The following NBEA variants were observed in gnomAD, a reference collection of about 807,000 sequenced individuals.
NBEA encodes the protein neurobeachin.
NBEA carries 44 observed loss-of-function variants against 343.4 expected under a neutral mutation model. That is an observed-to-expected ratio of 0.13 (90% confidence interval 0.10 to 0.16). The LOEUF is 0.16. Among genes scored for constraint, NBEA ranks in the 10% least tolerant of loss-of-function variants. NBEA has a pLI of 1.00. For synonymous variants in NBEA, 1,175 were observed against 1,238.7 expected (o/e 0.95, Z 1.08); for missense variants, 2,555 against 3,631.3 (o/e 0.70, Z 7.62).
intron 49 of NBEA, among the ~76,000 whole-genome samples, chr13:35,633,345 G>A (rs1367985851): frequency 2.0e-5 from 3 of 150,624 alleles, no homozygotes; most frequent in South Asian, 2.1e-4. Context: ...CTTGTGATCC[G>A]CCCACCTCGG....
chr13:35,003,784 A>G lies in NBEA; in HGVS notation c.295-37149A>G, dbSNP rs570773170. ...TTGTCGTCTTTTTTTAAGAAAATTT[A>G]ATTTTATTTTAAGTTCCAGGATATA... On this transcript the variant is annotated intron_variant, in intron 1 of 58. Transcript: ENST00000379939. 2.6e-5 allele frequency among the ~76,000 whole-genome samples: 4 copies of G among 152,092 alleles called. No individual in the cohort carries two copies. The East Asian group carries it at 7.7e-4, about 29-fold the overall frequency.
intron 33 of NBEA, among the ~76,000 whole-genome samples, chr13:35,220,102 T>G (rs2074281359): frequency 6.6e-6 from 1 of 152,162 alleles, no homozygotes. Flanking sequence ...TTATCCTTGA[T>G]TTATCGAGGT....
intron 25 of NBEA, among the ~76,000 whole-genome samples, chr13:35,170,272 A>G (rs1013792902): frequency 3.9e-5 from 6 of 151,948 alleles, no homozygotes; most frequent in Non-Finnish European, 7.4e-5. Flanking sequence ...ATAGGAATAG[A>G]TACCTATTAC....
chr13:35,612,602 A>C (rs1439283899), intron 48 of NBEA, among the ~76,000 whole-genome samples: 1 of 152,198 alleles, frequency 6.6e-6, no homozygotes, highest in African/African-American at 2.4e-5. Flanking sequence ...CCCCAGAATT[A>C]ATAATTTTAT....
intron 44 of NBEA, among the ~76,000 whole-genome samples, chr13:35,563,125 GT>G (rs1350338847): frequency 2.1e-5 from 2 of 94,462 alleles, no homozygotes; most frequent in African/African-American, 6.6e-5. Flanking sequence ...ATGTGTGTGT[GT>G]GTGTGGAGAT....
intron 41 of NBEA, among the ~76,000 whole-genome samples, chr13:35,492,688 G>A (rs189594713): frequency 3.3e-5 from 5 of 151,724 alleles, no homozygotes; most frequent in Admixed American, 6.6e-5. Context: ...GTGGAGATCT[G>A]AAAATGTAGC....
At chr13:35,240,135 A>G (rs961101285) in intron 34 of NBEA, among the ~76,000 whole-genome samples, 1 of 151,786 alleles carries the variant, frequency 6.6e-6, no homozygotes, top group East Asian at 1.9e-4. Context: ...ATGTATTCGT[A>G]ATGATAATTT....
intron 1 of NBEA, among the ~76,000 whole-genome samples, chr13:34,954,673 G>A (rs1025904478): frequency 2.0e-5 from 3 of 152,080 alleles, no homozygotes; most frequent in African/African-American, 7.2e-5. Context: ...TGCTCAAGTC[G>A]TTTGTATAAA....
At chr13:34,974,061 T>C (rs1017225333) in intron 1 of NBEA, among the ~76,000 whole-genome samples, 62 of 152,170 alleles carry the variant, frequency 4.1e-4, no homozygotes, top group Non-Finnish European at 1.6e-4. Flanking sequence ...GGGAGAAGCA[T>C]GGCATGGTTT....
rs1370559559 is a variant in NBEA at position 35,559,778 on chromosome 13, T to TGGTAGCGGGCGC, written c.6922+4677_6922+4688dup. ...AAAATACAAAAAAATTAGCTGGGCG[T>TGGTAGCGGGCGC]GGTAGCGGGCGCCTGTAGTCCCAGC... On this transcript the variant is annotated intron_variant, in intron 44 of 58. Transcript: ENST00000379939. 2.0e-5 allele frequency among the ~76,000 whole-genome samples: 3 copies of TGGTAGCGGGCGC among 151,710 alleles called. No individual in the cohort carries two copies. In the East Asian group the frequency reaches 5.9e-4, roughly 30 times the overall value.
At chr13:35,647,345 C>T (rs1027709632) in intron 51 of NBEA, among the ~76,000 whole-genome samples, 11 of 152,014 alleles carry the variant, frequency 7.2e-5, no homozygotes, top group Non-Finnish European at 1.6e-4. Context: ...GAGTAAAGAG[C>T]TCTGGAATAT....
At chr13:35,551,142 A>G (rs2079304700) in intron 43 of NBEA, 110 bp downstream of exon 43, 1 of 591,976 alleles carries the variant, frequency 1.7e-6, no homozygotes, top group Non-Finnish European at 2.7e-6. Flanking sequence ...GAGACCAAAG[A>G]ATTTTCTTTC....
chr13:35,487,509 C>T (rs1213495472), intron 41 of NBEA, among the ~76,000 whole-genome samples: 1 of 151,842 alleles, frequency 6.6e-6, no homozygotes, highest in African/African-American at 2.4e-5. Context: ...TAACCCTCTT[C>T]ATAACTGTCT....
chr13:35,631,582 C>G (rs926842303), intron 49 of NBEA, among the ~76,000 whole-genome samples: 5 of 133,902 alleles, frequency 3.7e-5, no homozygotes, highest in African/African-American at 1.4e-4. Flanking sequence ...TTAAATTAAA[C>G]ACTAATTTAA....
chr13:35,395,329 C>T (rs1422194543), intron 38 of NBEA, among the ~76,000 whole-genome samples: 2 of 152,088 alleles, frequency 1.3e-5, no homozygotes, highest in African/African-American at 2.4e-5. Context: ...ATAGAATTCT[C>T]ATGAGATCTG....
chr13:35,535,592 A>G, intron 41 of NBEA, among the ~76,000 whole-genome samples: 1 of 152,186 alleles, frequency 6.6e-6, no homozygotes, highest in East Asian at 1.9e-4. Flanking sequence ...ACATCTATGT[A>G]GCACAGCCTT....
chr13:35,603,940 C>A (rs2082171748), intron 47 of NBEA, among the ~76,000 whole-genome samples: 1 of 152,188 alleles, frequency 6.6e-6, no homozygotes, highest in South Asian at 2.1e-4. Flanking sequence ...AGAGTAAGAG[C>A]AGAAGAAACT....
intron 45 of NBEA, among the ~76,000 whole-genome samples, chr13:35,570,935 T>C (rs1438105149): frequency 6.6e-6 from 1 of 152,204 alleles, no homozygotes; most frequent in Non-Finnish European, 1.5e-5. Context: ...TTCTTGTAGT[T>C]ATAATCAATA....
chr13:35,001,602 A>G (rs750995262), intron 1 of NBEA, among the ~76,000 whole-genome samples: 1 of 152,146 alleles, frequency 6.6e-6, no homozygotes, highest in Non-Finnish European at 1.5e-5. Context: ...TCTCACTCAT[A>G]TGTGGAAGAT....
Sources: gnomAD v4.1 joint callset for allele counts (sites outside exome capture counted in the v4.1 genomes callset) on GRCh38, gnomAD v4.1.1 for gene constraint, MANE v1.5 for transcripts, NCBI Gene and HGNC (gene_info 2026-07-23, HGNC 2026-07-21) for gene names.